The following NUP133 variants were observed in gnomAD, a reference collection of about 807,000 sequenced individuals.
NUP133 encodes nuclear pore complex protein Nup133.
In NUP133, 66 loss-of-function variants were observed where a neutral mutation model predicts 146.2. The observed-to-expected ratio is 0.45, with a 90% confidence interval of 0.37 to 0.55. NUP133 has a LOEUF of 0.55. NUP133 is among the 20% of genes least tolerant of loss of function. NUP133 has a pLI of 0.00. For synonymous variants in NUP133, 521 were observed against 498.8 expected (o/e 1.04, Z -0.59); for missense variants, 1,277 against 1,374.8 (o/e 0.93, Z 1.12).
chr1:229,467,785 C>T (rs959673007), intron 15 of NUP133, among the ~76,000 whole-genome samples: 2 of 151,856 alleles, frequency 1.3e-5, no homozygotes, highest in Non-Finnish European at 2.9e-5. Flanking sequence ...ATTAGCTGGG[C>T]GTCGTGGCGT....
chr1:229,494,159 G>A (rs1661593615), intron 8 of NUP133, among the ~76,000 whole-genome samples: 1 of 152,064 alleles, frequency 6.6e-6, no homozygotes, highest in Non-Finnish European at 1.5e-5. Context: ...AAAGAAAAAT[G>A]TCTGTATTAT....
intron 13 of NUP133, among the ~76,000 whole-genome samples, chr1:229,475,934 C>T (rs954519945): frequency 6.6e-6 from 1 of 151,950 alleles, no homozygotes; most frequent in Admixed American, 6.6e-5. Context: ...ATGGTGAAAC[C>T]CGATCTCTAC....
Position 229,508,319 on chromosome 1 carries a change from A to T in NUP133, c.-70T>A, listed in dbSNP as rs1236247433. On this transcript the variant is annotated 5_prime_UTR_variant, in exon 1 of 26. Transcript: ENST00000261396. The stretch of plus-strand genomic sequence containing the variant: ...AGGTTGCAGCCTGGCCTGCGCGCGG[A>T]ACTTAAACACCTAAGGGAAGAGATG... 2 of 1,188,288 alleles carry T rather than the reference A, an allele frequency of 1.7e-6. No homozygotes were observed. The highest frequency in any genetic ancestry group is 1.6e-5 in the African/African-American group (1 of 62,144). 73.6% of individuals were successfully genotyped at this position (1,188,288 alleles called of 1,614,324 possible).
chr1:229,479,077 G>A (rs1452647179), intron 12 of NUP133, among the ~76,000 whole-genome samples: 1 of 152,168 alleles, frequency 6.6e-6, no homozygotes, highest in Non-Finnish European at 1.5e-5. Context: ...GAGACAGAGA[G>A]AGAGAGAGAG....
intron 19 of NUP133, among the ~76,000 whole-genome samples, chr1:229,462,442 A>G (rs1016210025): frequency 6.6e-6 from 1 of 152,248 alleles, no homozygotes; most frequent in African/African-American, 2.4e-5. Context: ...GTGGTTTTCT[A>G]AATTTTATAC....
chr1:229,448,222 C>T (rs929296857), intron 24 of NUP133, among the ~76,000 whole-genome samples: 1 of 152,052 alleles, frequency 6.6e-6, no homozygotes, highest in Non-Finnish European at 1.5e-5. Flanking sequence ...TGAGGTCTGG[C>T]GTTCCACAGC....
intron 12 of NUP133, among the ~76,000 whole-genome samples, chr1:229,478,401 A>G (rs944678041): frequency 6.6e-6 from 1 of 152,076 alleles, no homozygotes; most frequent in Non-Finnish European, 1.5e-5. Context: ...CGAGAGAGAC[A>G]GGGAAAACTT....
At chr1:229,482,504 AG>A (rs961575891) in intron 12 of NUP133, among the ~76,000 whole-genome samples, 1 of 152,230 alleles carries the variant, frequency 6.6e-6, no homozygotes, top group Non-Finnish European at 1.5e-5. Context: ...GGGGCAGAGC[AG>A]GGGGGCTGGA....
chr1:229,481,854 G>A (rs1661220305), intron 12 of NUP133, among the ~76,000 whole-genome samples: 1 of 152,158 alleles, frequency 6.6e-6, no homozygotes. Context: ...CAGAGGGAGG[G>A]CCCTGCTCAT....
At chr1:229,444,472 T>C (rs1335347742) in intron 25 of NUP133, among the ~76,000 whole-genome samples, 1 of 152,182 alleles carries the variant, frequency 6.6e-6, no homozygotes, top group Non-Finnish European at 1.5e-5. Context: ...GCTAGATACT[T>C]AATTAGACAC....
intron 24 of NUP133, among the ~76,000 whole-genome samples, chr1:229,446,849 G>A (rs561946540): frequency 6.6e-5 from 10 of 152,022 alleles, no homozygotes; most frequent in Non-Finnish European, 1.3e-4. Flanking sequence ...GGATGTGGCC[G>A]GGCATGGTGG....
At chr1:229,499,026 G>A (rs1159412769) in intron 5 of NUP133, 1 of 356,396 alleles carries the variant, frequency 2.8e-6, no homozygotes, top group African/African-American at 2.1e-5. Flanking sequence ...AGCCTCCTGA[G>A]CAGCTGGGAC....
intron 4 of NUP133, 43 bp from the exon 5 acceptor site, chr1:229,499,861 G>A (rs1368934290): frequency 6.3e-7 from 1 of 1,575,962 alleles, no homozygotes; most frequent in Non-Finnish European, 8.6e-7. Flanking sequence ...AATAAAAGAG[G>A]AACCCAAAAA....
intron 17 of NUP133, 31 bp from the exon 18 acceptor site, chr1:229,464,906 A>C: frequency 6.2e-7 from 1 of 1,610,716 alleles, no homozygotes. Flanking sequence ...ATATGGTTAA[A>C]GTAAGGGATC....
At chr1:229,458,367 C>T (rs1660615221) in intron 20 of NUP133, 71 bp from the exon 21 acceptor site, 2 of 1,519,146 alleles carry the variant, frequency 1.3e-6, no homozygotes, top group East Asian at 2.3e-5. Context: ...GTAAGTAAAC[C>T]CCAAACTTGT....
intron 15 of NUP133, among the ~76,000 whole-genome samples, chr1:229,468,310 C>G (rs1012845929): frequency 6.6e-6 from 1 of 152,152 alleles, no homozygotes; most frequent in African/African-American, 2.4e-5. Context: ...TTGTCACCCC[C>G]AAGTGGAAGG....
rs1366249203 is a variant in NUP133 at position 229,470,814 on chromosome 1, AG to A, written c.1852-11del. On this transcript the variant is annotated splice_polypyrimidine_tract_variant and intron_variant, in intron 14 of 25. Transcript: ENST00000261396. ...GTCCAAATAAGCCAACCTTGCAAAAAGGCAAACACATATTCTCAGAAAGCAA... is the reference window on the plus strand; with the variant it reads ...GTCCAAATAAGCCAACCTTGCAAAAAGCAAACACATATTCTCAGAAAGCAA... 6.2e-7 allele frequency: 1 copy of A among 1,610,756 alleles called. No individual in the cohort carries two copies. The highest frequency in any genetic ancestry group is 8.5e-7 in the Non-Finnish European group (1 of 1,177,766).
chr1:229,502,012 G>A lies in NUP133; in HGVS notation c.392C>T (p.Ser131Leu). The A allele has an allele frequency of 6.2e-7, 1 of 1,611,192 alleles. No individual in the cohort carries two copies. Among genetic ancestry groups the A allele is most frequent in the East Asian group, 2.2e-5 (1 of 44,850 alleles). The change falls in exon 3 of 26, where the codon TCA becomes TTA. Residue 131 changes from serine to leucine, a missense_variant. Ser to Leu is a moderately radical substitution (Grantham distance 145). This residue lies in a region of NUP133 where 319 missense variants were observed against 306.9 expected (regional missense o/e 1.04). Coordinates refer to ENST00000261396, the MANE Select transcript of NUP133 (RefSeq NM_018230.3). ...EKLIIWKIAL[S>L]PITKLSVCKE... ...AAGAGCCATTACCTTAGTAATAGGT[G>A]ACAGAGCAATCTTCCAAATAATGAG...
chr1:229,486,273 G>T, intron 11 of NUP133, 98 bp downstream of exon 11: 1 of 1,091,736 alleles, frequency 9.2e-7, no homozygotes, highest in South Asian at 1.8e-5. Context: ...AATGAACTAC[G>T]ACTGTGCCAC....
Sources: allele counts gnomAD v4.1 joint callset (sites outside exome capture counted in the v4.1 genomes callset), GRCh38; gene constraint gnomAD v4.1.1; regional missense constraint gnomAD v4.1.1; transcripts MANE v1.5; gene names NCBI Gene and HGNC (gene_info 2026-07-23, HGNC 2026-07-21).